The following GRM7 variants were observed in gnomAD, a reference collection of about 807,000 sequenced individuals.
The protein encoded by GRM7 is metabotropic glutamate receptor 7.
In GRM7, 35 loss-of-function variants were observed where a neutral mutation model predicts 84.5. That is an observed-to-expected ratio of 0.41 (90% CI 0.32 to 0.55). The LOEUF is 0.55. GRM7 is among the 20% of genes least tolerant of loss of function. The probability of loss-of-function intolerance (pLI) is 0.19; values close to 1 mark genes in which losing one functional copy is unlikely to be tolerated. For synonymous variants in GRM7, 487 were observed against 455.1 expected, an observed-to-expected ratio of 1.07 and a Z score of -0.89; for missense variants, 1,003 against 1,194.6, an observed-to-expected ratio of 0.84 and a Z score of 2.36.
At chr3:7,706,825 C>A (rs1035280488) in intron 9 of GRM7, among the ~76,000 whole-genome samples, 6 of 152,120 alleles carry the variant, frequency 3.9e-5, no homozygotes, top group African/African-American at 7.2e-5. Context: ...AAAGCCTCTG[C>A]CATAACTCAC....
intron 9 of GRM7, among the ~76,000 whole-genome samples, chr3:7,722,100 C>A (rs557922367): frequency 6.6e-6 from 1 of 152,312 alleles, no homozygotes; most frequent in African/African-American, 2.4e-5. Flanking sequence ...AAAAACCAAA[C>A]AACGAATTTA....
chr3:6,886,976 A>T (rs998026789), intron 1 of GRM7, among the ~76,000 whole-genome samples: 4 of 152,004 alleles, frequency 2.6e-5, no homozygotes, highest in Admixed American at 2.6e-4. Flanking sequence ...AATTACTCCA[A>T]ACATAATTTT....
At chr3:7,709,911 C>T (rs1701522720) in intron 9 of GRM7, among the ~76,000 whole-genome samples, 1 of 152,130 alleles carries the variant, frequency 6.6e-6, no homozygotes, top group Non-Finnish European at 1.5e-5. Flanking sequence ...CCCCATACGT[C>T]AGCCTTGGAA....
At chr3:7,288,096 G>A (rs891949162) in intron 2 of GRM7, among the ~76,000 whole-genome samples, 4 of 151,884 alleles carry the variant, frequency 2.6e-5, no homozygotes, top group Admixed American at 6.6e-5. Flanking sequence ...TTTACCATAC[G>A]TAACAAGACT....
intron 1 of GRM7, among the ~76,000 whole-genome samples, chr3:6,973,135 A>C (rs1003528192): frequency 6.6e-6 from 1 of 152,228 alleles, no homozygotes; most frequent in Non-Finnish European, 1.5e-5. Context: ...AAGGTATTGC[A>C]TACGCAGATG....
At chr3:6,937,603 C>G (rs1220961937) in intron 1 of GRM7, among the ~76,000 whole-genome samples, 4 of 152,132 alleles carry the variant, frequency 2.6e-5, no homozygotes, top group African/African-American at 9.7e-5. Context: ...AGGGAAGGAA[C>G]CAAACAGCCT....
chr3:7,401,997 G>A (rs1376411773), intron 4 of GRM7, among the ~76,000 whole-genome samples: 1 of 152,094 alleles, frequency 6.6e-6, no homozygotes, highest in African/African-American at 2.4e-5. Flanking sequence ...GAAATAGATT[G>A]GAATCAGGTA....
chr3:7,592,874 T>C (rs1695860959), intron 8 of GRM7, among the ~76,000 whole-genome samples: 1 of 152,090 alleles, frequency 6.6e-6, no homozygotes, highest in African/African-American at 2.4e-5. Context: ...GAGAAGCTAG[T>C]TTGTGTTGGA....
intron 8 of GRM7, among the ~76,000 whole-genome samples, chr3:7,609,103 T>C (rs1310792769): frequency 6.6e-6 from 1 of 152,174 alleles, no homozygotes; most frequent in East Asian, 1.9e-4. Context: ...TATCATGCTG[T>C]TTTAGTTACT....
intron 1 of GRM7, among the ~76,000 whole-genome samples, chr3:7,135,081 G>A (rs983668649): frequency 6.6e-6 from 1 of 152,156 alleles, no homozygotes; most frequent in South Asian, 2.1e-4. Flanking sequence ...TCCATCATGA[G>A]TAATTTAAAG....
intron 1 of GRM7, among the ~76,000 whole-genome samples, chr3:6,907,857 G>A (rs1273785313): frequency 6.6e-6 from 1 of 152,048 alleles, no homozygotes; most frequent in African/African-American, 2.4e-5. Flanking sequence ...AAGTTTATTT[G>A]TATTACATAG....
intron 1 of GRM7, among the ~76,000 whole-genome samples, chr3:6,907,735 G>A (rs1028355993): frequency 4.6e-5 from 7 of 152,144 alleles, no homozygotes; most frequent in African/African-American, 1.7e-4. Flanking sequence ...ATTTCTGAGA[G>A]ATAAGTTCTT....
chr3:6,989,846 TATA>T (rs1694566380), intron 1 of GRM7, among the ~76,000 whole-genome samples: 2 of 152,212 alleles, frequency 1.3e-5, no homozygotes, highest in Admixed American at 6.5e-5. Flanking sequence ...TGAAGAGAAA[TATA>T]ATCTCCCGAG....
intron 1 of GRM7, among the ~76,000 whole-genome samples, chr3:6,990,383 T>C (rs1358113029): frequency 6.6e-6 from 1 of 152,178 alleles, no homozygotes; most frequent in Non-Finnish European, 1.5e-5. Flanking sequence ...TTTTTTGAAT[T>C]TCTCTAAGTC....
chr3:7,386,119 T>A (rs1459585992), intron 4 of GRM7, among the ~76,000 whole-genome samples: 1 of 152,162 alleles, frequency 6.6e-6, no homozygotes, highest in East Asian at 1.9e-4. Context: ...AAAATAATGA[T>A]TGAGGCAGGA....
intron 2 of GRM7, among the ~76,000 whole-genome samples, chr3:7,267,510 G>T (rs1188252910): frequency 6.6e-6 from 1 of 152,218 alleles, no homozygotes. Flanking sequence ...CTCAGGGAAA[G>T]AATAGAGAAC....
At chr3:7,414,967 C>A in intron 4 of GRM7, 56 bp from the exon 5 acceptor site, 2 of 1,380,068 alleles carry the variant, frequency 1.4e-6, no homozygotes, top group East Asian at 2.6e-5. Flanking sequence ...ATTTTTATTT[C>A]TGAATGTGCC....
Position 7,240,125 on chromosome 3 carries a change from T to TTTTTTTG in GRM7, c.737-58553_737-58552insGTTTTTT, listed in dbSNP as rs1405205051. ...GTAATCTTTTAGCATGTGAGGTTTT[T>TTTTTTTG]TTTTTTTTTTTTTTTTTTTCCAGTG... On this transcript the variant is annotated intron_variant, in intron 2 of 9. Transcript: ENST00000357716. Among the ~76,000 whole-genome samples, 226 of 132,912 alleles carry TTTTTTTG rather than the reference T, an allele frequency of 1.7e-3. 5 individuals carry two copies. The highest frequency in any genetic ancestry group is 6.7e-3 in the African/African-American group (217 of 32,470). The allele number at this position is 132,912 out of a possible 152,430, so 87.2% of individuals were successfully genotyped here. A position where few individuals can be genotyped will look rare whatever the true frequency, so the allele number is the denominator to read the frequency against.
At chr3:7,370,780 T>G (rs528953227) in intron 4 of GRM7, among the ~76,000 whole-genome samples, 1 of 152,270 alleles carries the variant, frequency 6.6e-6, no homozygotes. Flanking sequence ...GTTGGTACTT[T>G]AATATGTTTG....
Sources: allele counts gnomAD v4.1 joint callset (sites outside exome capture counted in the v4.1 genomes callset), GRCh38; gene constraint gnomAD v4.1.1; transcripts MANE v1.5; gene names NCBI Gene and HGNC (gene_info 2026-07-23, HGNC 2026-07-21).